Variants in NOC2L observed in about 807,000 individuals in gnomAD.
The protein encoded by NOC2L is nucleolar complex protein 2 homolog.
A neutral mutation model predicts 94.2 loss-of-function variants in NOC2L; 101 were observed. The ratio of observed to expected loss-of-function variants is 1.07; its 90% confidence interval spans 0.91 to 1.26. The LOEUF is 1.26. NOC2L is among the 50% of genes most tolerant of loss of function. NOC2L has a pLI of 0.00. For synonymous variants in NOC2L, 531 were observed against 413.4 expected, an observed-to-expected ratio of 1.28 and a Z score of -3.45; for missense variants, 1,076 against 980.1, an observed-to-expected ratio of 1.10 and a Z score of -1.31.
At position 945,093 on chromosome 1, in the gene NOC2L, C is replaced by T. The variant is rs138911665; in HGVS notation, c.2107G>A (p.Glu703Lys). The change falls in exon 18 of 19, where the codon GAG (glutamate) becomes AAG (lysine). Residue 703 changes from glutamate to lysine, a missense_variant. Glu to Lys is a moderately conservative substitution (Grantham distance 56). Transcript: ENST00000327044. ...RHGVEDDEED[E>K]EEGEEDSSNS... ...CTGCTGTCCTCCTCGCCCTCCTCCT[C>T]GTCCTCTTCATCGTCTTCCACCCCA... is the stretch of plus-strand genomic sequence containing the variant. The T allele has an allele frequency of 9.6e-5, 154 of 1,611,924 alleles. No homozygotes were observed. The highest frequency in any genetic ancestry group is 5.2e-4 in the African/African-American group (39 of 74,890).
In NOC2L at chr1:953,213, G is replaced by T; in HGVS notation, c.964C>A (p.Arg322=). The T allele has an allele frequency of 6.2e-7, 1 of 1,613,446 alleles. No homozygotes were observed. Residue 322 remains arginine, a synonymous_variant, in exon 9 of 19, where the codon CGG becomes AGG. Transcript: ENST00000327044. ...CCAAGGAAAGTGTCCTTCTTGTGCC[G>T]GCAGACTCTGCTGAGGACCAGGAAA... The part of the protein sequence containing the change: ...LAFLVLSRVC[R]HKKDTFLGPV...
chr1:944,429 C>CG lies in NOC2L; in HGVS notation c.*264dup. 9.4e-7 allele frequency: 1 copy of CG among 1,060,300 alleles called. No individual in the cohort carries two copies. Among genetic ancestry groups the CG allele is most frequent in the Non-Finnish European group, 1.3e-6 (1 of 786,918 alleles). The allele number at this position is 1,060,300 out of a possible 1,614,324, so 65.7% of individuals were successfully genotyped here. A position where few individuals can be genotyped will look rare whatever the true frequency, so the allele number is the denominator to read the frequency against. On this transcript the variant is annotated 3_prime_UTR_variant, in exon 19 of 19. Transcript: ENST00000327044. ...CTCCCCCTGGAACTGGGACTGGTCT[C>CG]GGTCTGCTGACGTCAGGGTCAGCTC...
chr1:944,331 A>AG lies in NOC2L; in HGVS notation c.*362dup. ...TTCAAAGACTTGGGGGAGTGAAGGC[A>AG]GAGCCTGGTGCAGATGGACGAGGTC... On this transcript the variant is annotated 3_prime_UTR_variant, in exon 19 of 19. Transcript: ENST00000327044. 1 of 1,384,822 alleles carries AG rather than the reference A, an allele frequency of 7.2e-7. No individual in the cohort carries two copies. Among genetic ancestry groups the AG allele is most frequent in the Non-Finnish European group, 9.3e-7 (1 of 1,076,824 alleles). 85.8% of individuals were successfully genotyped at this position (1,384,822 alleles called of 1,614,324 possible).
chr1:946,204 T>G lies in NOC2L; in HGVS notation c.1886A>C (p.Glu629Ala), dbSNP rs1642105009. 1 of 1,613,212 alleles carries G rather than the reference T, an allele frequency of 6.2e-7. No individual in the cohort carries two copies. The highest frequency in any genetic ancestry group is 8.5e-7 in the Non-Finnish European group (1 of 1,179,456). ...TTTGCCACTGATCTCCAGCTGGATC[T>G]CCCGGTCACGCAGCTTGCGCCAGTG... The part of the protein sequence containing the change: ...YSHWRKLRDR[E>A]IQLEISGKER... The change falls in exon 16 of 19, where the codon GAG becomes GCG. Residue 629 changes from glutamate to alanine, a missense_variant. By Grantham distance (107) the Glu-to-Ala change is moderately radical. Coordinates refer to ENST00000327044, the MANE Select transcript of NOC2L (RefSeq NM_015658.4).
In NOC2L at chr1:953,062, G is replaced by C. The variant is rs140827245; in HGVS notation, c.1002+113C>G. On this transcript the variant is annotated intron_variant, in intron 9 of 18. Coordinates refer to ENST00000327044, the MANE Select transcript of NOC2L (RefSeq NM_015658.4). ...ATCCAAGGGCCCAGGTCTGCTCAGA[G>C]CTGCAGTGAGGGTCCAGTGAGGGGC... is the stretch of plus-strand genomic sequence containing the variant. 1,039 of 714,720 alleles carry C rather than the reference G, an allele frequency of 1.5e-3. 7 individuals carry two copies. In the African/African-American group the frequency reaches 0.016, roughly 11 times the overall value. The allele number at this position is 714,720 out of a possible 1,614,324, so 44.3% of individuals were successfully genotyped here. A position where few individuals can be genotyped will look rare whatever the true frequency, so the allele number is the denominator to read the frequency against.
At chr1:945,675 G>A (rs200256358) in intron 16 of NOC2L, 22 bp from the exon 17 acceptor site, 5 of 1,614,110 alleles carry the variant, frequency 3.1e-6, no homozygotes, top group African/African-American at 1.3e-5. Context: ...AAGAACCAGG[G>A]GCTCAGGTGA....
At chr1:949,805 G>A (rs370068081) in intron 12 of NOC2L, among the ~76,000 whole-genome samples, 5 of 152,192 alleles carry the variant, frequency 3.3e-5, no homozygotes, top group African/African-American at 9.7e-5. Flanking sequence ...TCCTAAAGAT[G>A]TTCAGCATCC....
In NOC2L at chr1:958,977, C is replaced by T. The variant is rs747224291; in HGVS notation, c.131G>A (p.Arg44His). Residue 44 changes from arginine (R) to histidine (H), a missense_variant, in exon 2 of 19, where the codon CGC becomes CAC. Coordinates refer to ENST00000327044, the MANE Select transcript of NOC2L (RefSeq NM_015658.4). ...CTTATCCGGACTCCGGGCAGCCTCG[C>T]GTGCTTCCCGTGTCTCCGCTTGTGG... ...NSPQAETREA[R>H]EAARSPDKPG... The T allele has an allele frequency of 1.7e-5, 27 of 1,612,652 alleles. No homozygotes were observed. Among genetic ancestry groups the T allele is most frequent in the Non-Finnish European group, 2.3e-5 (27 of 1,179,984 alleles).
In NOC2L at chr1:955,879, G is replaced by A. The variant is rs544939654; in HGVS notation, c.698+44C>T. ...TCTGGCTTCTCCTGTGTGTGGTCCC[G>A]ACCCACCTTCCACCCTACCCCCCTT... On this transcript the variant is annotated intron_variant, in intron 6 of 18. Transcript: ENST00000327044. 1.2e-5 allele frequency: 18 copies of A among 1,515,110 alleles called. No homozygotes were observed. The South Asian group carries it at 1.4e-4, about 11-fold the overall frequency. 93.9% of individuals were successfully genotyped at this position (1,515,110 alleles called of 1,614,324 possible).
intron 14 of NOC2L, among the ~76,000 whole-genome samples, chr1:947,370 G>T: frequency 6.6e-6 from 1 of 151,818 alleles, no homozygotes; most frequent in Non-Finnish European, 1.5e-5. Flanking sequence ...ATGTGTGGCC[G>T]TGTGTGAGTA....
In NOC2L at chr1:953,766, G is replaced by A. The variant is rs1438310018; in HGVS notation, c.888+16C>T. Reference sequence around the variant, plus strand: ...CGACCCCATGACAGACACAGGGAGGGGACTGGGCCACGAACCTTGAGCAGC... The same window carrying A: ...CGACCCCATGACAGACACAGGGAGGAGACTGGGCCACGAACCTTGAGCAGC... On this transcript the variant is annotated intron_variant, in intron 8 of 18. Transcript: ENST00000327044. The A allele has an allele frequency of 1.3e-6, 2 of 1,583,908 alleles. No homozygotes were observed. The highest frequency in any genetic ancestry group is 2.7e-5 in the African/African-American group (2 of 74,270).
chr1:944,645 C>T lies in NOC2L; in HGVS notation c.*49G>A, dbSNP rs749294677. The T allele has an allele frequency of 8.2e-7, 1 of 1,214,216 alleles. No individual in the cohort carries two copies. Among genetic ancestry groups the T allele is most frequent in the Non-Finnish European group, 1.2e-6 (1 of 846,516 alleles). 75.2% of individuals were successfully genotyped at this position (1,214,216 alleles called of 1,614,324 possible). A position where few individuals can be genotyped will look rare whatever the true frequency, so the allele number is the denominator to read the frequency against. Reference sequence around the variant, plus strand: ...GGCCTGACTGCCAGGGAGGTGGAAACACTGGCCACCAGCCCGGCAGCCCCT... The same window carrying T: ...GGCCTGACTGCCAGGGAGGTGGAAATACTGGCCACCAGCCCGGCAGCCCCT... On this transcript the variant is annotated 3_prime_UTR_variant, in exon 19 of 19. Coordinates refer to ENST00000327044, the MANE Select transcript of NOC2L (RefSeq NM_015658.4).
intron 6 of NOC2L, among the ~76,000 whole-genome samples, chr1:955,637 C>T (rs1361954281): frequency 1.3e-5 from 2 of 152,208 alleles, no homozygotes; most frequent in Admixed American, 6.5e-5. Flanking sequence ...AGAACCCTAA[C>T]CTGGGAAAAT....
chr1:958,772 T>C (rs1642492175), intron 2 of NOC2L, 157 bp downstream of exon 2: 2 of 787,328 alleles, frequency 2.5e-6, no homozygotes, highest in African/African-American at 1.7e-5. Context: ...AGGAGCTCAG[T>C]AAACATCGGA....
Position 944,227 on chromosome 1 carries a change from C to CCGCTTTATTTCTTTCGGTTT in NOC2L, c.*447_*466dup. The CCGCTTTATTTCTTTCGGTTT allele has an allele frequency of 2.7e-6, 4 of 1,466,928 alleles. No individual in the cohort carries two copies. Among genetic ancestry groups the CCGCTTTATTTCTTTCGGTTT allele is most frequent in the Non-Finnish European group, 3.6e-6 (4 of 1,110,294 alleles). 90.9% of individuals were successfully genotyped at this position (1,466,928 alleles called of 1,614,324 possible). ...CTCAACACAATGGCCCTGCCTCCCA[C>CCGCTTTATTTCTTTCGGTTT]CGCTTTATTTCTTTCGGTTTCGGAT... On this transcript the variant is annotated 3_prime_UTR_variant, in exon 19 of 19. Transcript: ENST00000327044.
chr1:945,829 G>A (rs529671884), intron 16 of NOC2L, among the ~76,000 whole-genome samples, 176 bp from the exon 17 acceptor site: 7 of 152,300 alleles, frequency 4.6e-5, no homozygotes, highest in Admixed American at 4.6e-4. Context: ...CAAGGTCAAA[G>A]GCAGAGCCCT....
In NOC2L at chr1:956,269, G is replaced by A; in HGVS notation, c.487-54C>T. The A allele has an allele frequency of 1.9e-6, 3 of 1,600,944 alleles. No homozygotes were observed. The South Asian group carries it at 3.3e-5, about 18-fold the overall frequency. Reference sequence around the variant, plus strand: ...AGGGGAGCTGAGACTGCACTTGGCAGAGTGGAAACGGCAGCCCCAGAGAAA... The same window carrying A: ...AGGGGAGCTGAGACTGCACTTGGCAAAGTGGAAACGGCAGCCCCAGAGAAA... On this transcript the variant is annotated intron_variant, in intron 4 of 18. Coordinates refer to ENST00000327044, the MANE Select transcript of NOC2L (RefSeq NM_015658.4).
intron 2 of NOC2L, chr1:958,301 G>A (rs1256205925): frequency 1.0e-5 from 2 of 191,646 alleles, no homozygotes; most frequent in Non-Finnish European, 2.2e-5. Context: ...CACCCAGGCT[G>A]GAATGCAATG....
chr1:951,379 T>C, intron 11 of NOC2L, 141 bp from the exon 12 acceptor site: 1 of 660,578 alleles, frequency 1.5e-6, no homozygotes, highest in Non-Finnish European at 2.7e-6. Flanking sequence ...CCCAGGGACC[T>C]GCACCCCTTG....
Sources: allele counts gnomAD v4.1 joint callset (sites outside exome capture counted in the v4.1 genomes callset), GRCh38; gene constraint gnomAD v4.1.1; transcripts MANE v1.5; gene names NCBI Gene and HGNC (gene_info 2026-07-23, HGNC 2026-07-21).